PRKCB: variants seen among roughly 807,000 people sequenced by gnomAD.
The protein encoded by PRKCB is protein kinase C beta type.
A neutral mutation model predicts 81.5 loss-of-function variants in PRKCB; 13 were observed. That is an observed-to-expected ratio of 0.16 (90% CI 0.10 to 0.25). PRKCB has a LOEUF of 0.25. Among genes scored for constraint, PRKCB ranks in the 10% least tolerant of loss-of-function variants. The pLI is 1.00. For synonymous variants in PRKCB, 335 were observed against 321.4 expected, an observed-to-expected ratio of 1.04 and a Z score of -0.45; for missense variants, 509 against 875.7, an observed-to-expected ratio of 0.58 and a Z score of 5.29.
intron 16 of PRKCB, among the ~76,000 whole-genome samples, chr16:24,210,829 C>T (rs907621361): frequency 6.6e-6 from 1 of 152,148 alleles, no homozygotes; most frequent in African/African-American, 2.4e-5. Flanking sequence ...CATCACTTAT[C>T]TCCCTCTGGC....
intron 5 of PRKCB, among the ~76,000 whole-genome samples, chr16:24,038,303 C>G (rs1424710191): frequency 6.6e-6 from 1 of 152,216 alleles, no homozygotes; most frequent in African/African-American, 2.4e-5. Flanking sequence ...CGTTCAAGAC[C>G]AGCCTGGCCA....
intron 12 of PRKCB, among the ~76,000 whole-genome samples, chr16:24,177,065 G>A (rs1164486928): frequency 6.6e-6 from 1 of 152,174 alleles, no homozygotes; most frequent in African/African-American, 2.4e-5. Context: ...TATGTGGGAT[G>A]TGCCTCTACT....
intron 3 of PRKCB, among the ~76,000 whole-genome samples, chr16:24,026,763 A>G (rs1482489705): frequency 6.6e-6 from 1 of 152,240 alleles, no homozygotes; most frequent in Non-Finnish European, 1.5e-5. Context: ...GGGCAATACT[A>G]TAAGACTTGG....
At chr16:24,013,180 A>G (rs1965227789) in intron 3 of PRKCB, among the ~76,000 whole-genome samples, 1 of 152,256 alleles carries the variant, frequency 6.6e-6, no homozygotes, top group Non-Finnish European at 1.5e-5. Flanking sequence ...CCCATTTCCA[A>G]TATTTTGTAC....
chr16:24,148,563 C>G (rs975008484), intron 9 of PRKCB, among the ~76,000 whole-genome samples: 6 of 152,170 alleles, frequency 3.9e-5, no homozygotes, highest in Non-Finnish European at 8.8e-5. Context: ...TCTGTTGCCT[C>G]TCTCAGTTGA....
chr16:24,215,911 A>G lies in PRKCB; in HGVS notation c.*1095A>G. ...ATTCCTCACTTTGATGTTGTTTTGC[A>G]AGATGTTTGTGGAAATGTTCATTTG... On this transcript the variant is annotated 3_prime_UTR_variant, in exon 17 of 17. Transcript: ENST00000643927. 1.0e-6 allele frequency: 1 copy of G among 985,262 alleles called. No homozygotes were observed. Among genetic ancestry groups the G allele is most frequent in the South Asian group, 4.7e-5 (1 of 21,282 alleles). 61.0% of individuals were successfully genotyped at this position (985,262 alleles called of 1,614,324 possible). A position where few individuals can be genotyped will look rare whatever the true frequency, so the allele number is the denominator to read the frequency against.
At chr16:23,997,647 A>G (rs1327936922) in intron 3 of PRKCB, among the ~76,000 whole-genome samples, 1 of 152,210 alleles carries the variant, frequency 6.6e-6, no homozygotes, top group African/African-American at 2.4e-5. Context: ...GTTCTTTATC[A>G]TGTAACGTAA....
chr16:24,040,801 C>G (rs972412957), intron 5 of PRKCB, among the ~76,000 whole-genome samples: 2 of 152,174 alleles, frequency 1.3e-5, no homozygotes, highest in African/African-American at 4.8e-5. Context: ...TGCAGAAAAT[C>G]TTAAGTACCA....
chr16:23,989,133 T>C (rs920392506), intron 3 of PRKCB, among the ~76,000 whole-genome samples: 6 of 152,072 alleles, frequency 3.9e-5, no homozygotes, highest in Admixed American at 6.5e-5. Flanking sequence ...GCTAATTTTT[T>C]GTTTTGTATT....
intron 15 of PRKCB, among the ~76,000 whole-genome samples, chr16:24,186,933 G>T (rs1039003687): frequency 5.9e-5 from 9 of 152,172 alleles, no homozygotes; most frequent in Non-Finnish European, 1.0e-4. Flanking sequence ...TTGAGGGTGT[G>T]AGGCAGGGAG....
Position 23,912,640 on chromosome 16 carries a change from G to A in PRKCB, c.205+75234G>A, listed in dbSNP as rs376113038. Among the ~76,000 whole-genome samples, 5 of 145,612 alleles carry A rather than the reference G, an allele frequency of 3.4e-5. No homozygotes were observed. In the South Asian group the frequency reaches 1.1e-3, roughly 32 times the overall value. On this transcript the variant is annotated intron_variant, in intron 2 of 16. Coordinates refer to ENST00000643927, the MANE Select transcript of PRKCB (RefSeq NM_002738.7). The stretch of plus-strand genomic sequence containing the variant: ...CGATTCTCCTGCCTCAGCCTCCAGA[G>A]TAGCTGGGATTGCAGACGTGTGCCA...
chr16:23,922,151 T>A (rs1365449032), intron 2 of PRKCB, among the ~76,000 whole-genome samples: 3 of 152,238 alleles, frequency 2.0e-5, no homozygotes, highest in Non-Finnish European at 2.9e-5. Context: ...TTAATAGTTA[T>A]CTGTGGACAA....
At chr16:24,186,767 G>A (rs1056912787) in intron 15 of PRKCB, among the ~76,000 whole-genome samples, 2 of 152,236 alleles carry the variant, frequency 1.3e-5, no homozygotes, top group African/African-American at 4.8e-5. Context: ...CAGCCTAAAA[G>A]CGCCTTGTCA....
intron 5 of PRKCB, among the ~76,000 whole-genome samples, chr16:24,078,941 T>C (rs984962822): frequency 1.3e-5 from 2 of 152,220 alleles, no homozygotes; most frequent in African/African-American, 4.8e-5. Flanking sequence ...ACTCAGTTAC[T>C]GAGCACAAAA....
chr16:23,904,097 C>T (rs982876433), intron 2 of PRKCB, among the ~76,000 whole-genome samples: 4 of 152,100 alleles, frequency 2.6e-5, no homozygotes, highest in African/African-American at 9.7e-5. Flanking sequence ...AGCTAGATTC[C>T]CTCATGAGCT....
intron 2 of PRKCB, among the ~76,000 whole-genome samples, chr16:23,933,790 C>G (rs1394199699): frequency 6.7e-6 from 1 of 148,766 alleles, no homozygotes; most frequent in African/African-American, 2.5e-5. Flanking sequence ...ATCCATCCAT[C>G]CATCCATCCA....
intron 2 of PRKCB, among the ~76,000 whole-genome samples, chr16:23,864,090 T>A (rs1260881758): frequency 1.3e-5 from 2 of 152,160 alleles, no homozygotes; most frequent in Non-Finnish European, 2.9e-5. Context: ...AGGTTCTGAC[T>A]CTTAACCCAT....
chr16:24,127,888 G>A (rs1966847219), intron 9 of PRKCB, among the ~76,000 whole-genome samples: 1 of 152,088 alleles, frequency 6.6e-6, no homozygotes, highest in Non-Finnish European at 1.5e-5. Flanking sequence ...ATTAATGCAG[G>A]TTTTATATTT....
chr16:24,008,006 C>CAA (rs10695120), intron 3 of PRKCB, among the ~76,000 whole-genome samples: 13 of 143,976 alleles, frequency 9.0e-5, no homozygotes, highest in African/African-American at 2.5e-4. Flanking sequence ...TATTCTTTTT[C>CAA]AAAAAAAAAA....
Sources: allele counts gnomAD v4.1 joint callset (sites outside exome capture counted in the v4.1 genomes callset), GRCh38; gene constraint gnomAD v4.1.1; transcripts MANE v1.5; gene names NCBI Gene and HGNC (gene_info 2026-07-23, HGNC 2026-07-21).